Variants in SPATA6L observed in about 807,000 individuals in gnomAD.
SPATA6L encodes spermatogenesis associated 6-like protein.
In SPATA6L, 68 loss-of-function variants were observed where a neutral mutation model predicts 49.2. The observed-to-expected ratio is 1.38, with a 90% confidence interval of 1.14 to 1.69. The LOEUF (loss-of-function observed/expected upper bound fraction) is 1.69. SPATA6L is among the 40% of genes most tolerant of loss of function. The probability of loss-of-function intolerance (pLI) is 0.00; values close to 1 mark genes in which losing one functional copy is unlikely to be tolerated. For missense variants in SPATA6L, 668 were observed against 464.3 expected (o/e 1.44, Z -4.03); for synonymous variants, 198 against 165.7 (o/e 1.19, Z -1.50).
At chr9:4,607,466 C>A (rs1408810418) in intron 9 of SPATA6L, among the ~76,000 whole-genome samples, 1 of 152,166 alleles carries the variant, frequency 6.6e-6, no homozygotes, top group East Asian at 1.9e-4. Flanking sequence ...CCCTACAAGC[C>A]AGAAGAGAGT....
intron 9 of SPATA6L, among the ~76,000 whole-genome samples, chr9:4,606,083 C>A (rs1423608968): frequency 6.6e-6 from 1 of 152,114 alleles, no homozygotes. Context: ...CACTCCCACC[C>A]AAATACTGCG....
At chr9:4,647,098 G>T (rs145297900) in intron 3 of SPATA6L, among the ~76,000 whole-genome samples, 182 of 149,896 alleles carry the variant, frequency 1.2e-3, no homozygotes, top group African/African-American at 4.3e-3. Context: ...CTCCTGAAAA[G>T]TATTGAAAAA....
chr9:4,640,073 A>G (rs1264680940), intron 3 of SPATA6L, among the ~76,000 whole-genome samples: 3 of 152,272 alleles, frequency 2.0e-5, no homozygotes, highest in African/African-American at 7.2e-5. Context: ...CTATAAAAGT[A>G]TAAAATTAAG....
At chr9:4,648,129 C>T (rs1587410902) in intron 3 of SPATA6L, among the ~76,000 whole-genome samples, 1 of 152,174 alleles carries the variant, frequency 6.6e-6, no homozygotes, top group East Asian at 1.9e-4. Context: ...GCCACTGTGC[C>T]CAGCCATGAA....
chr9:4,639,589 C>T (rs1415945804), intron 3 of SPATA6L, among the ~76,000 whole-genome samples: 1 of 152,158 alleles, frequency 6.6e-6, no homozygotes, highest in Non-Finnish European at 1.5e-5. Context: ...GAGGATGGTA[C>T]AGCAAGAGCC....
chr9:4,636,259 C>CTTGA (rs1185165845), intron 3 of SPATA6L, among the ~76,000 whole-genome samples: 8 of 152,144 alleles, frequency 5.3e-5, no homozygotes, highest in Non-Finnish European at 1.0e-4. Context: ...CTTCATTATG[C>CTTGA]TTGATACTTA....
At chr9:4,620,065 T>C (rs564670423) in intron 7 of SPATA6L, among the ~76,000 whole-genome samples, 2 of 152,188 alleles carry the variant, frequency 1.3e-5, no homozygotes, top group South Asian at 4.1e-4. Flanking sequence ...GCCAGGCCAT[T>C]TTCATATCCT....
chr9:4,625,822 A>G (rs557081446), intron 5 of SPATA6L: 29 of 261,350 alleles, frequency 1.1e-4, no homozygotes, highest in African/African-American at 5.8e-4. Context: ...AATAGGGGGA[A>G]GTTAGAAAGT....
In SPATA6L at chr9:4,625,457, T is replaced by C; in HGVS notation, c.539A>G (p.Lys180Arg). 6.2e-7 allele frequency: 1 copy of C among 1,614,112 alleles called. No individual in the cohort carries two copies. The highest frequency in any genetic ancestry group is 8.5e-7 in the Non-Finnish European group (1 of 1,179,978). ...LKENNLNRLPKGMQARAPSQY... is the reference protein window; with the variant it reads ...LKENNLNRLPRGMQARAPSQY... Reference sequence around the variant, plus strand: ...AGAGGGCGCCCGGGCTTGCATGCCTTTGGGCAGTCTGTTGAGATTATTCTC... The same window carrying C: ...AGAGGGCGCCCGGGCTTGCATGCCTCTGGGCAGTCTGTTGAGATTATTCTC... The change falls in exon 6 of 12, where the codon AAA becomes AGA. Residue 180 changes from lysine (K) to arginine (R), a missense_variant. Transcript: ENST00000682582.
At position 4,635,381 on chromosome 9, in the gene SPATA6L, T is replaced by A. The variant is rs758273164; in HGVS notation, c.245A>T (p.Tyr82Phe). Residue 82 changes from tyrosine (Y) to phenylalanine (F), a missense_variant, in exon 4 of 12, where the codon TAC becomes TTC. Tyr to Phe is a conservative substitution (Grantham distance 22). Transcript: ENST00000682582. Reference sequence around the variant, plus strand: ...AAAATCTCGTGTGTTTTCTTCGTAGTAGGCCAACTCATCCCACACTAGAAA... The same window carrying A: ...AAAATCTCGTGTGTTTTCTTCGTAGAAGGCCAACTCATCCCACACTAGAAA... ...DLLEMWDELAYYEENTRDFLF... is the reference protein window; with the variant it reads ...DLLEMWDELAFYEENTRDFLF... The A allele has an allele frequency of 1.3e-6, 2 of 1,589,990 alleles. No individual in the cohort carries two copies. The highest frequency in any genetic ancestry group is 1.7e-6 in the Non-Finnish European group (2 of 1,172,158).
rs1401555921 is a variant in SPATA6L at position 4,635,154 on chromosome 9, C to G, written c.351+121G>C. ...CCTTGAGTTGGGCATCAAAACAGAG[C>G]TACTAAACAGAACAGCAGGGGTACT... is the stretch of plus-strand genomic sequence containing the variant. On this transcript the variant is annotated intron_variant, in intron 4 of 11. Transcript: ENST00000682582. The G allele has an allele frequency of 3.8e-6, 4 of 1,049,152 alleles. No individual in the cohort carries two copies. In the East Asian group the frequency reaches 1.2e-4, roughly 31 times the overall value. The allele number at this position is 1,049,152 out of a possible 1,614,324, so 65.0% of individuals were successfully genotyped here.
At chr9:4,614,479 G>A (rs1252885268) in intron 9 of SPATA6L, among the ~76,000 whole-genome samples, 1 of 152,170 alleles carries the variant, frequency 6.6e-6, no homozygotes, top group Non-Finnish European at 1.5e-5. Context: ...AGTGAGTGGA[G>A]ACACAGTGCT....
At chr9:4,650,826 G>C (rs1044417383) in intron 3 of SPATA6L, among the ~76,000 whole-genome samples, 3 of 3,190 alleles carry the variant, frequency 9.4e-4, no homozygotes, top group Non-Finnish European at 1.3e-3. Context: ...AACCCAGCTT[G>C]TGTGTGTGTG....
At chr9:4,651,362 G>A (rs1836808363) in intron 3 of SPATA6L, among the ~76,000 whole-genome samples, 2 of 152,138 alleles carry the variant, frequency 1.3e-5, no homozygotes, top group Non-Finnish European at 2.9e-5. Flanking sequence ...GATTAAATTA[G>A]TAATCAAAAA....
intron 2 of SPATA6L, among the ~76,000 whole-genome samples, chr9:4,661,580 C>T (rs1468478728): frequency 1.3e-5 from 2 of 151,912 alleles, no homozygotes; most frequent in African/African-American, 2.4e-5. Context: ...TAATCCCTTT[C>T]GTAAATGTAA....
downstream of SPATA6L, among the ~76,000 whole-genome samples, chr9:4,594,413 C>T (rs1046535053): frequency 5.9e-4 from 89 of 152,114 alleles, no homozygotes; most frequent in Admixed American, 1.6e-3. Context: ...GGGGTTTCAC[C>T]GTGTTAGCCA....
chr9:4,605,265 G>A (rs1186097561), intron 10 of SPATA6L, 82 bp downstream of exon 10: 1 of 1,045,714 alleles, frequency 9.6e-7, no homozygotes, highest in Non-Finnish European at 1.5e-6. Flanking sequence ...TTTGATTAAT[G>A]TCTGTCTCCC....
intron 3 of SPATA6L, among the ~76,000 whole-genome samples, chr9:4,640,567 G>C (rs530933443): frequency 7.1e-4 from 103 of 146,000 alleles, no homozygotes; most frequent in South Asian, 2.8e-3. Context: ...GAAACTTTAA[G>C]AAAAAAAAAA....
chr9:4,610,654 G>A (rs1230600684), intron 9 of SPATA6L, among the ~76,000 whole-genome samples: 1 of 152,118 alleles, frequency 6.6e-6, no homozygotes, highest in African/African-American at 2.4e-5. Flanking sequence ...ATTCCAGATG[G>A]ATTAAAGAAT....
Sources: gnomAD v4.1 joint callset for allele counts (sites outside exome capture counted in the v4.1 genomes callset) on GRCh38, gnomAD v4.1.1 for gene constraint, MANE v1.5 for transcripts, NCBI Gene and HGNC (gene_info 2026-07-23, HGNC 2026-07-21) for gene names.